PMEPA1: variants seen among roughly 807,000 people sequenced by gnomAD.
PMEPA1 encodes the protein prostate transmembrane protein, androgen induced 1.
PMEPA1 carries 11 observed loss-of-function variants against 23.0 expected under a neutral mutation model. That is an observed-to-expected ratio of 0.48 (90% confidence interval 0.30 to 0.79). The LOEUF (loss-of-function observed/expected upper bound fraction) is 0.79, where lower values mean the gene tolerates loss of function less well. Ranked by LOEUF, PMEPA1 falls within the 30% of genes least tolerant of loss-of-function variation. The probability of loss-of-function intolerance (pLI) is 0.06; values close to 1 mark genes in which losing one functional copy is unlikely to be tolerated. For synonymous variants in PMEPA1, 204 were observed against 166.4 expected, an observed-to-expected ratio of 1.23 and a Z score of -1.74; for missense variants, 377 against 390.9, an observed-to-expected ratio of 0.96 and a Z score of 0.30.
At position 57,655,565 on chromosome 20, in the gene PMEPA1, T is replaced by G. The variant is rs911784563; in HGVS notation, c.265-2479A>C. ...AAGTGGCTTGAGAAGTCGGGGGAGG[T>G]GGGCCCAGCTTCAGAATTGTCTGGA... is the stretch of plus-strand genomic sequence containing the variant. On this transcript the variant is annotated intron_variant, in intron 2 of 3. Coordinates refer to ENST00000341744, the MANE Select transcript of PMEPA1 (RefSeq NM_020182.5). This position sits in a 1 kb window ranked among gnomAD's most constrained non-coding sequence, Gnocchi z 4.2. 2.0e-5 allele frequency among the ~76,000 whole-genome samples: 3 copies of G among 151,924 alleles called. No individual in the cohort carries two copies. Among genetic ancestry groups the G allele is most frequent in the Non-Finnish European group, 4.4e-5 (3 of 67,962 alleles).
At chr20:57,690,818 T>G (rs2071872550) in intron 1 of PMEPA1, among the ~76,000 whole-genome samples, 1 of 152,074 alleles carries the variant, frequency 6.6e-6, no homozygotes, top group South Asian at 2.1e-4. Flanking sequence ...GAGCCGGGGG[T>G]TCTGGAACTT....
rs996418483 is a variant in PMEPA1 at position 57,656,181 on chromosome 20, T to C, written c.265-3095A>G. On this transcript the variant is annotated intron_variant, in intron 2 of 3. Coordinates refer to ENST00000341744, the MANE Select transcript of PMEPA1 (RefSeq NM_020182.5). This position sits in a 1 kb window ranked among gnomAD's most constrained non-coding sequence, Gnocchi z 4.7. Reference sequence around the variant, plus strand: ...TTCCTAAAAAATTCGGTACCTCCCATGTCCTCAGGAGATACTGAATTCCCC... The same window carrying C: ...TTCCTAAAAAATTCGGTACCTCCCACGTCCTCAGGAGATACTGAATTCCCC... Among the ~76,000 whole-genome samples, 7 of 150,442 alleles carry C rather than the reference T, an allele frequency of 4.7e-5. No homozygotes were observed. The highest frequency in any genetic ancestry group is 3.9e-4 in the Admixed American group (6 of 15,232).
In PMEPA1 at chr20:57,683,547, C is replaced by CTGTGTG. The variant is rs56747812; in HGVS notation, c.110-23856_110-23851dup. On this transcript the variant is annotated intron_variant, in intron 1 of 3. Transcript: ENST00000341744. This position sits in a 1 kb window ranked among gnomAD's most constrained non-coding sequence, Gnocchi z 4.3. ...ACTAACTCGGTGGTGGTGTTCTGGC[C>CTGTGTG]TGTGTGCGTGTGTGTGTGTGTGTGT... is the stretch of plus-strand genomic sequence containing the variant. 0.3 allele frequency among the ~76,000 whole-genome samples: 42,502 copies of CTGTGTG among 139,894 alleles called. 7,849 individuals are homozygous for CTGTGTG. The highest frequency in any genetic ancestry group is 0.4 in the Non-Finnish European group (26,759 of 66,994). 91.8% of individuals were successfully genotyped at this position (139,894 alleles called of 152,430 possible).
At chr20:57,697,922 C>T (rs1020313230) in intron 1 of PMEPA1, among the ~76,000 whole-genome samples, 1 of 152,244 alleles carries the variant, frequency 6.6e-6, no homozygotes, top group Non-Finnish European at 1.5e-5. Flanking sequence ...CAACCGCAAA[C>T]ATCTAATAAT....
At chr20:57,665,834 C>G (rs1016435884) in intron 1 of PMEPA1, among the ~76,000 whole-genome samples, 2 of 152,230 alleles carry the variant, frequency 1.3e-5, no homozygotes, top group Non-Finnish European at 2.9e-5. Flanking sequence ...TGCGCTGGAT[C>G]CCATGTTTAT....
Position 57,682,688 on chromosome 20 carries a change from C to T in PMEPA1, c.110-22991G>A, listed in dbSNP as rs775572286. 2.0e-5 allele frequency among the ~76,000 whole-genome samples: 3 copies of T among 152,174 alleles called. No individual in the cohort carries two copies. Among genetic ancestry groups the T allele is most frequent in the Non-Finnish European group, 2.9e-5 (2 of 68,040 alleles). On this transcript the variant is annotated intron_variant, in intron 1 of 3. Transcript: ENST00000341744. This position sits in a 1 kb window ranked among gnomAD's most constrained non-coding sequence, Gnocchi z 4.4. Reference sequence around the variant, plus strand: ...AAAATCCCTGAAACAGCACCCACTCCCTGTCAAGTCTGTGTCCCCATCGCC... The same window carrying T: ...AAAATCCCTGAAACAGCACCCACTCTCTGTCAAGTCTGTGTCCCCATCGCC...
rs535496147 is a variant in PMEPA1 at position 57,678,507 on chromosome 20, G to T, written c.110-18810C>A. On this transcript the variant is annotated intron_variant, in intron 1 of 3. Transcript: ENST00000341744. Reference sequence around the variant, plus strand: ...GGCCTGGCACTGGGGGAGGGGGTTAGTTTCCTGCAAAGGGAGGGTAAGAGC... The same window carrying T: ...GGCCTGGCACTGGGGGAGGGGGTTATTTTCCTGCAAAGGGAGGGTAAGAGC... 3.3e-5 allele frequency among the ~76,000 whole-genome samples: 5 copies of T among 152,322 alleles called. No homozygotes were observed. In the South Asian group the frequency reaches 1.0e-3, roughly 32 times the overall value.
Position 57,648,926 on chromosome 20 carries a change from T to C in PMEPA1, c.*3127A>G, listed in dbSNP as rs2071184139. The C allele has an allele frequency of 6.6e-6, 1 of 152,160 alleles. No homozygotes were observed. Among genetic ancestry groups the C allele is most frequent in the Non-Finnish European group, 1.5e-5 (1 of 68,030 alleles). The allele number at this position is 152,160 out of a possible 1,614,324, so 9.4% of individuals were successfully genotyped here. A position where few individuals can be genotyped will look rare whatever the true frequency, so the allele number is the denominator to read the frequency against. On this transcript the variant is annotated 3_prime_UTR_variant, in exon 4 of 4. Coordinates refer to ENST00000341744, the MANE Select transcript of PMEPA1 (RefSeq NM_020182.5). ...TCCCCCAGCCCTGATTTTTGCTACA[T>C]ATGGGGTCCCTTTTCATTCTTTGCA... is the stretch of plus-strand genomic sequence containing the variant.
intron 1 of PMEPA1, among the ~76,000 whole-genome samples, chr20:57,668,168 G>A (rs1251962352): frequency 6.6e-6 from 1 of 152,174 alleles, no homozygotes; most frequent in African/African-American, 2.4e-5. Context: ...GTTGGGGAGG[G>A]ACGCTGAGAG....
chr20:57,695,248 C>T (rs912704335), intron 1 of PMEPA1, among the ~76,000 whole-genome samples: 1 of 152,258 alleles, frequency 6.6e-6, no homozygotes, highest in African/African-American at 2.4e-5. Flanking sequence ...TGGGCTGGAG[C>T]CCAGCGGGGC....
intron 2 of PMEPA1, among the ~76,000 whole-genome samples, chr20:57,657,491 C>T (rs1483781496): frequency 2.0e-5 from 3 of 152,244 alleles, no homozygotes; most frequent in South Asian, 2.1e-4. Flanking sequence ...CCTGGGCAGA[C>T]GTAACCAGTG....
At chr20:57,670,087 G>A (rs1469264758) in intron 1 of PMEPA1, among the ~76,000 whole-genome samples, 1 of 152,032 alleles carries the variant, frequency 6.6e-6, no homozygotes, top group Non-Finnish European at 1.5e-5. Context: ...GGTGGGGCAG[G>A]GAGGGGCACC....
intron 1 of PMEPA1, among the ~76,000 whole-genome samples, chr20:57,679,197 G>C (rs962633806): frequency 6.6e-6 from 1 of 152,184 alleles, no homozygotes; most frequent in Non-Finnish European, 1.5e-5. Context: ...TTAAATATGA[G>C]GAGAGTTGGG....
In PMEPA1 at chr20:57,709,780, C is replaced by G; in HGVS notation, c.-198G>C. 1.0e-6 allele frequency: 1 copy of G among 978,152 alleles called. No homozygotes were observed. The highest frequency in any genetic ancestry group is 1.2e-6 in the Non-Finnish European group (1 of 825,144). 60.6% of individuals were successfully genotyped at this position (978,152 alleles called of 1,614,324 possible). On this transcript the variant is annotated 5_prime_UTR_variant, in exon 1 of 4. Transcript: ENST00000341744. ...GTGCGCGGGACCGCGCTCCGCTGCG[C>G]CCCCCCGGCCTCCCCTCGGCAGCCC...
At chr20:57,686,786 A>G (rs909149479) in intron 1 of PMEPA1, among the ~76,000 whole-genome samples, 1 of 152,214 alleles carries the variant, frequency 6.6e-6, no homozygotes, top group African/African-American at 2.4e-5. Flanking sequence ...CACACCAAAG[A>G]GTGGAGCTCA....
Position 57,652,146 on chromosome 20 carries a change from C to T in PMEPA1, c.771G>A (p.Glu257=), listed in dbSNP as rs1400293604. 1.2e-6 allele frequency: 2 copies of T among 1,600,194 alleles called. No homozygotes were observed. The highest frequency in any genetic ancestry group is 1.1e-5 in the South Asian group (1 of 89,316). The change falls in exon 4 of 4, where the codon GAG becomes GAA. Residue 257 remains glutamate (E), a synonymous_variant. Coordinates refer to ENST00000341744, the MANE Select transcript of PMEPA1 (RefSeq NM_020182.5). The surrounding 1 kb of genome is among the most constrained non-coding windows in gnomAD (Gnocchi z 6.1). ...QQSSGPPSLL[E]GTRLHHTHIA... ...TGTGTGTGTGGTGGAGCCGGGTCCC[C>T]TCCAGCAAGGAGGGCGGCCCACTGC...
chr20:57,663,461 G>C (rs1347277446), intron 1 of PMEPA1, among the ~76,000 whole-genome samples: 1 of 152,136 alleles, frequency 6.6e-6, no homozygotes, highest in East Asian at 1.9e-4. Context: ...AGGATGTGCG[G>C]GGGACATGTG....
intron 1 of PMEPA1, among the ~76,000 whole-genome samples, chr20:57,695,910 A>T (rs1395662897): frequency 4.6e-5 from 7 of 152,098 alleles, no homozygotes; most frequent in Admixed American, 3.9e-4. Flanking sequence ...AGGTGGTGTT[A>T]ATGTGTGGCC....
intron 1 of PMEPA1, among the ~76,000 whole-genome samples, chr20:57,663,836 A>C (rs2071456225): frequency 6.6e-6 from 1 of 152,188 alleles, no homozygotes; most frequent in Non-Finnish European, 1.5e-5. Flanking sequence ...TCAGGAAGGC[A>C]ACACCCTGGG....
Sources: allele counts gnomAD v4.1 joint callset (sites outside exome capture counted in the v4.1 genomes callset), GRCh38; gene constraint gnomAD v4.1.1; non-coding constraint Gnocchi (gnomAD v3.1); transcripts MANE v1.5; gene names NCBI Gene and HGNC (gene_info 2026-07-23, HGNC 2026-07-21).